Variants in DNAJC24 observed in about 807,000 individuals in gnomAD.
DNAJC24 encodes dnaJ homolog subfamily C member 24.
A neutral mutation model predicts 18.0 loss-of-function variants in DNAJC24; 17 were observed. That is an observed-to-expected ratio of 0.94 (90% CI 0.65 to 1.42). DNAJC24 has a LOEUF of 1.42. DNAJC24 is among the 40% of genes most tolerant of loss of function. DNAJC24 has a pLI of 0.00. For missense variants in DNAJC24, 158 were observed against 175.6 expected (o/e 0.90, Z 0.57); for synonymous variants, 55 against 57.7 (o/e 0.95, Z 0.21).
chr11:31,410,037 C>T (rs992621518), intron 2 of DNAJC24, among the ~76,000 whole-genome samples: 2 of 137,886 alleles, frequency 1.5e-5, no homozygotes, highest in African/African-American at 2.8e-5. Context: ...GTGCGTGCCA[C>T]CACACCTGGC....
At chr11:31,400,098 T>G (rs1952585734) in intron 2 of DNAJC24, among the ~76,000 whole-genome samples, 1 of 152,202 alleles carries the variant, frequency 6.6e-6, no homozygotes, top group African/African-American at 2.4e-5. Flanking sequence ...ATCTCACTCT[T>G]TTTTATGGCT....
intron 2 of DNAJC24, among the ~76,000 whole-genome samples, chr11:31,395,442 C>A (rs976946394): frequency 6.6e-6 from 1 of 152,074 alleles, no homozygotes; most frequent in Non-Finnish European, 1.5e-5. Context: ...AATGGTAGTT[C>A]TGTTTTAAGT....
At chr11:31,371,281 A>G (rs1211862748) in intron 2 of DNAJC24, among the ~76,000 whole-genome samples, 3 of 152,182 alleles carry the variant, frequency 2.0e-5, no homozygotes, top group African/African-American at 7.2e-5. Flanking sequence ...AGGGTAAAAT[A>G]TACACTGGAT....
chr11:31,382,013 G>A (rs1952382259), intron 2 of DNAJC24, among the ~76,000 whole-genome samples: 1 of 152,100 alleles, frequency 6.6e-6, no homozygotes, highest in Non-Finnish European at 1.5e-5. Context: ...AACAATGTGA[G>A]GGTGTCTTTA....
rs758393269 is a variant in DNAJC24 at position 31,374,088 on chromosome 11, T to C, written c.111+3229T>C. ...ACCAATCTGTATGTCTTGTATTTCC[T>C]TTTCTTACGTTAAGGCACTAGCTGG... On this transcript the variant is annotated intron_variant, in intron 2 of 4. Coordinates refer to ENST00000465995, the MANE Select transcript of DNAJC24 (RefSeq NM_181706.5). 5.2e-6 allele frequency: 2 copies of C among 388,076 alleles called. 1 individual carries two copies. The highest frequency in any genetic ancestry group is 3.7e-5 in the South Asian group (2 of 53,746). 24.0% of individuals were successfully genotyped at this position (388,076 alleles called of 1,614,324 possible).
intron 2 of DNAJC24, among the ~76,000 whole-genome samples, chr11:31,397,845 CTCTGT>C: frequency 6.6e-6 from 1 of 150,946 alleles, no homozygotes; most frequent in Non-Finnish European, 1.5e-5. Context: ...TGGAGTCTTG[CTCTGT>C]TGCCCAGGCT....
chr11:31,422,744 GTTT>G (rs1222452781), intron 3 of DNAJC24, among the ~76,000 whole-genome samples: 2 of 151,948 alleles, frequency 1.3e-5, no homozygotes, highest in Non-Finnish European at 2.9e-5. Context: ...GAAGAATTAA[GTTT>G]TTTAATTATA....
At chr11:31,405,890 C>T (rs1353400036) in intron 2 of DNAJC24, among the ~76,000 whole-genome samples, 1 of 152,176 alleles carries the variant, frequency 6.6e-6, no homozygotes, top group Non-Finnish European at 1.5e-5. Context: ...CAAACTCAAG[C>T]GCCTGCTACA....
chr11:31,393,723 C>G (rs1234846922), intron 2 of DNAJC24, among the ~76,000 whole-genome samples: 1 of 152,098 alleles, frequency 6.6e-6, no homozygotes. Context: ...CAATAAATTT[C>G]TGTTTTTTAT....
At chr11:31,421,730 T>C (rs1952806050) in intron 3 of DNAJC24, among the ~76,000 whole-genome samples, 1 of 152,190 alleles carries the variant, frequency 6.6e-6, no homozygotes, top group Non-Finnish European at 1.5e-5. Context: ...TTTTAGAAAT[T>C]TTACTATCAT....
intron 2 of DNAJC24, among the ~76,000 whole-genome samples, chr11:31,402,169 C>G (rs1158203557): frequency 6.6e-6 from 1 of 152,150 alleles, no homozygotes; most frequent in Non-Finnish European, 1.5e-5. Flanking sequence ...GGCTACAAAC[C>G]TATACAATAT....
chr11:31,395,536 T>C (rs1952536349), intron 2 of DNAJC24, among the ~76,000 whole-genome samples: 2 of 152,202 alleles, frequency 1.3e-5, no homozygotes, highest in Admixed American at 6.5e-5. Context: ...TCCATTATTT[T>C]TTTACCTTTA....
At position 31,431,422 on chromosome 11, in the gene DNAJC24, A is replaced by G. The variant is rs968818125; in HGVS notation, c.*1021A>G. The G allele has an allele frequency of 6.6e-6, 1 of 151,210 alleles. No homozygotes were observed. The highest frequency in any genetic ancestry group is 2.4e-5 in the African/African-American group (1 of 41,210). The allele number at this position is 151,210 out of a possible 1,614,324, so 9.4% of individuals were successfully genotyped here. A position where few individuals can be genotyped will look rare whatever the true frequency, so the allele number is the denominator to read the frequency against. The stretch of plus-strand genomic sequence containing the variant: ...CACCTCAACCTCCCAAAGTGCTGGG[A>G]TTGCAGGCGTGAGCCACCATGCCTG... On this transcript the variant is annotated 3_prime_UTR_variant, in exon 5 of 5. Coordinates refer to ENST00000465995, the MANE Select transcript of DNAJC24 (RefSeq NM_181706.5).
intron 3 of DNAJC24, among the ~76,000 whole-genome samples, chr11:31,425,001 TAGA>T (rs1458587957): frequency 6.6e-6 from 1 of 152,060 alleles, no homozygotes; most frequent in African/African-American, 2.4e-5. Context: ...TTTTTTATTC[TAGA>T]AGAACAATAC....
At chr11:31,402,198 A>G (rs1023198798) in intron 2 of DNAJC24, among the ~76,000 whole-genome samples, 30 of 152,202 alleles carry the variant, frequency 2.0e-4, no homozygotes, top group African/African-American at 6.0e-4. Flanking sequence ...ACTGAATACT[A>G]TAGGCAGTTG....
chr11:31,390,941 T>C lies in DNAJC24; in HGVS notation c.111+20082T>C, dbSNP rs573863905. ...GGAAAACATAGGCCAATATTTCTGA[T>C]GAGTATTGACGTAAAAGTCCTCAAC... is the stretch of plus-strand genomic sequence containing the variant. On this transcript the variant is annotated intron_variant, in intron 2 of 4. Transcript: ENST00000465995. Among the ~76,000 whole-genome samples, 60 of 152,224 alleles carry C rather than the reference T, an allele frequency of 3.9e-4. No individual in the cohort carries two copies. In the South Asian group the frequency reaches 0.012, roughly 29 times the overall value.
At chr11:31,405,095 A>T (rs1245356497) in intron 2 of DNAJC24, among the ~76,000 whole-genome samples, 2 of 143,854 alleles carry the variant, frequency 1.4e-5, no homozygotes, top group African/African-American at 5.1e-5. Context: ...TTTTTGAGAC[A>T]GAGTCTCCAC....
chr11:31,417,315 C>A (rs751179938), intron 3 of DNAJC24: 2 of 152,054 alleles, frequency 1.3e-5, no homozygotes, highest in East Asian at 1.9e-4. Context: ...AAAACTCTTA[C>A]AATAAACCTA....
chr11:31,410,594 G>A (rs1952699082), intron 2 of DNAJC24, among the ~76,000 whole-genome samples: 1 of 152,182 alleles, frequency 6.6e-6, no homozygotes, highest in Admixed American at 6.5e-5. Flanking sequence ...TTCTGTCAAA[G>A]CACTGTGTGC....
Sources: allele counts gnomAD v4.1 joint callset (sites outside exome capture counted in the v4.1 genomes callset), GRCh38; gene constraint gnomAD v4.1.1; transcripts MANE v1.5; gene names NCBI Gene and HGNC (gene_info 2026-07-23, HGNC 2026-07-21).